The following ARFGEF1 variants were observed in gnomAD, a reference collection of about 807,000 sequenced individuals.
ARFGEF1 encodes brefeldin A-inhibited guanine nucleotide-exchange protein 1.
ARFGEF1 carries 42 observed loss-of-function variants against 231.0 expected under a neutral mutation model. The observed-to-expected ratio is 0.18, with a 90% confidence interval of 0.14 to 0.24. ARFGEF1 has a LOEUF of 0.24. Ranked by LOEUF, ARFGEF1 falls within the 10% of genes least tolerant of loss-of-function variation. The pLI, the probability that ARFGEF1 is intolerant of heterozygous loss-of-function variation, is 1.00. For synonymous variants in ARFGEF1, 710 were observed against 732.3 expected, an observed-to-expected ratio of 0.97 and a Z score of 0.49; for missense variants, 1,345 against 2,192.0, an observed-to-expected ratio of 0.61 and a Z score of 7.72.
intron 5 of ARFGEF1, among the ~76,000 whole-genome samples, chr8:67,187,186 C>G (rs1260411669): frequency 6.6e-6 from 1 of 152,162 alleles, no homozygotes; most frequent in African/African-American, 2.4e-5. Flanking sequence ...ATAAAAATCC[C>G]AGCAAGTTAT....
intron 15 of ARFGEF1, among the ~76,000 whole-genome samples, chr8:67,259,231 TTC>T (rs1201989004): frequency 1.3e-5 from 2 of 152,102 alleles, no homozygotes; most frequent in Non-Finnish European, 2.9e-5. Context: ...CAAGACATCT[TTC>T]TGTTTGTTTT....
intron 1 of ARFGEF1, among the ~76,000 whole-genome samples, chr8:67,339,987 A>G (rs1808550710): frequency 6.6e-6 from 1 of 151,992 alleles, no homozygotes; most frequent in Non-Finnish European, 1.5e-5. Flanking sequence ...CCCCTAATCT[A>G]CATGCTGTTT....
chr8:67,213,020 A>G (rs1587052995), intron 33 of ARFGEF1, among the ~76,000 whole-genome samples: 3 of 152,152 alleles, frequency 2.0e-5, no homozygotes. Flanking sequence ...TCACTAACCA[A>G]TGTAAATGAG....
intron 1 of ARFGEF1, among the ~76,000 whole-genome samples, chr8:67,329,632 A>G (rs1001728805): frequency 1.8e-4 from 27 of 151,450 alleles, no homozygotes; most frequent in African/African-American, 6.0e-4. Flanking sequence ...TCTTAAGAAC[A>G]TTTAATTTCC....
chr8:67,310,475 G>A (rs952787876), intron 1 of ARFGEF1, among the ~76,000 whole-genome samples: 29 of 152,234 alleles, frequency 1.9e-4, no homozygotes, highest in African/African-American at 7.0e-4. Context: ...CGCCTGCCTT[G>A]GCCTCCCAAA....
chr8:67,281,190 T>C (rs1193195061), intron 7 of ARFGEF1, among the ~76,000 whole-genome samples: 3 of 152,058 alleles, frequency 2.0e-5, no homozygotes, highest in Non-Finnish European at 1.5e-5. Context: ...GACAAAATGA[T>C]GGAAATTAGA....
intron 32 of ARFGEF1, among the ~76,000 whole-genome samples, chr8:67,217,447 C>T (rs1181575037): frequency 2.6e-5 from 4 of 151,518 alleles, no homozygotes; most frequent in African/African-American, 7.3e-5. Context: ...GTAACAGAAA[C>T]AGGCTGAGAT....
chr8:67,225,898 G>T, intron 28 of ARFGEF1, 125 bp downstream of exon 28: 2 of 949,340 alleles, frequency 2.1e-6, no homozygotes, highest in Non-Finnish European at 3.0e-6. Context: ...GAATCAGGCT[G>T]CTCAGATTAT....
At chr8:67,261,090 TCTCCCAAC>T (rs1203489932) in intron 14 of ARFGEF1, among the ~76,000 whole-genome samples, 3 of 152,050 alleles carry the variant, frequency 2.0e-5, no homozygotes, top group African/African-American at 7.2e-5. Context: ...AAAGAAGCAG[TCTCCCAAC>T]ATAAAAGTGC....
chr8:67,196,805 C>T (rs538958815), downstream of ARFGEF1, among the ~76,000 whole-genome samples: 9 of 152,286 alleles, frequency 5.9e-5, no homozygotes, highest in South Asian at 1.0e-3. Flanking sequence ...TACCCTCACA[C>T]GGCAAGGTCA....
intron 34 of ARFGEF1, among the ~76,000 whole-genome samples, chr8:67,205,949 G>C (rs1294433593): frequency 6.6e-6 from 1 of 151,794 alleles, no homozygotes; most frequent in African/African-American, 2.4e-5. Flanking sequence ...GAAAATAACA[G>C]AACAGATCCA....
chr8:67,226,737 T>A (rs911377624), intron 27 of ARFGEF1, among the ~76,000 whole-genome samples: 1 of 152,086 alleles, frequency 6.6e-6, no homozygotes, highest in Non-Finnish European at 1.5e-5. Flanking sequence ...TGAAGAAGGC[T>A]GTGCAATGTA....
At chr8:67,328,059 G>A (rs988684982) in intron 1 of ARFGEF1, among the ~76,000 whole-genome samples, 2 of 151,834 alleles carry the variant, frequency 1.3e-5, no homozygotes, top group African/African-American at 4.8e-5. Flanking sequence ...GTGGAGAGAT[G>A]AGGGAGATAA....
intron 15 of ARFGEF1, 38 bp from the exon 16 acceptor site, chr8:67,258,328 T>TC: frequency 1.4e-6 from 2 of 1,398,424 alleles, no homozygotes; most frequent in Non-Finnish European, 2.0e-6. Flanking sequence ...ATATTTTCTT[T>TC]CTTTTTTTTT....
intron 1 of ARFGEF1, among the ~76,000 whole-genome samples, chr8:67,325,380 C>T (rs989405146): frequency 6.6e-6 from 1 of 152,146 alleles, no homozygotes; most frequent in Non-Finnish European, 1.5e-5. Context: ...CATCTCATCA[C>T]TTCAAAGGTT....
chr8:67,309,052 T>C (rs1292037520), intron 1 of ARFGEF1, among the ~76,000 whole-genome samples: 3 of 152,138 alleles, frequency 2.0e-5, no homozygotes, highest in Non-Finnish European at 4.4e-5. Context: ...ATATACACAA[T>C]GGAATACCAT....
chr8:67,284,114 T>C (rs1308467817), intron 7 of ARFGEF1, among the ~76,000 whole-genome samples: 6 of 152,118 alleles, frequency 3.9e-5, no homozygotes, highest in Middle Eastern at 3.2e-3. Flanking sequence ...TAAACTATGA[T>C]ATATCTGCAT....
At chr8:67,188,394 TCAGGTAGTAAAGAG>T (rs1835276267) in intron 5 of ARFGEF1, among the ~76,000 whole-genome samples, 2 of 151,786 alleles carry the variant, frequency 1.3e-5, no homozygotes, top group Non-Finnish European at 2.9e-5. Flanking sequence ...ACCCAACCAA[TCAGGTAGTAAAGAG>T]GGCTCACTAA....
downstream of ARFGEF1, among the ~76,000 whole-genome samples, chr8:67,194,985 AAAAAG>A (rs929325398): frequency 6.6e-6 from 1 of 151,652 alleles, no homozygotes; most frequent in Non-Finnish European, 1.5e-5. Flanking sequence ...TAAAAAAAAT[AAAAAG>A]AAAAAAGAAA....
Sources: gnomAD v4.1 joint callset for allele counts (sites outside exome capture counted in the v4.1 genomes callset) on GRCh38, gnomAD v4.1.1 for gene constraint, MANE v1.5 for transcripts, NCBI Gene and HGNC (gene_info 2026-07-23, HGNC 2026-07-21) for gene names.